IQCM: variants seen among roughly 807,000 people sequenced by gnomAD.
IQCM encodes IQ motif containing M, also known as IQ domain-containing protein M.
IQCM carries 45 observed loss-of-function variants against 57.6 expected under a neutral mutation model. The observed-to-expected ratio is 0.78, with a 90% CI of 0.62 to 1.00. IQCM has a LOEUF of 1.00. Among genes scored for constraint, IQCM ranks in the 50% least tolerant of loss-of-function variants. The pLI is 0.00. For synonymous variants in IQCM, 148 were observed against 158.9 expected (o/e 0.93, Z 0.51); for missense variants, 468 against 511.6 (o/e 0.91, Z 0.82).
chr4:149,435,257 G>C (rs1735243941), intron 12 of IQCM, among the ~76,000 whole-genome samples: 1 of 152,042 alleles, frequency 6.6e-6, no homozygotes, highest in Non-Finnish European at 1.5e-5. Context: ...GACAGAACTG[G>C]GTTCTAATTC....
chr4:149,406,752 T>G (rs1578953004), intron 13 of IQCM, among the ~76,000 whole-genome samples: 1 of 152,314 alleles, frequency 6.6e-6, no homozygotes, highest in African/African-American at 2.4e-5. Flanking sequence ...AGATGCCTAC[T>G]TTTCAAAAAT....
chr4:149,388,597 T>G (rs1345747886), intron 13 of IQCM, among the ~76,000 whole-genome samples: 1 of 92,902 alleles, frequency 1.1e-5, no homozygotes, highest in African/African-American at 4.4e-5. Flanking sequence ...TATACATATA[T>G]ACACATATAT....
chr4:149,484,817 CT>C lies in IQCM; in HGVS notation c.1229-51261del, dbSNP rs1326707452. ...TACCTTCAGACGATTTTTTCTTGCT[CT>C]TTAACATCCTTTTCTTTAGGATTAA... On this transcript the variant is annotated intron_variant, in intron 12 of 13. Coordinates refer to ENST00000636793, the MANE Select transcript of IQCM (RefSeq NM_001363507.2). 8.5e-5 allele frequency among the ~76,000 whole-genome samples: 13 copies of C among 152,084 alleles called. 1 individual carries two copies. Among genetic ancestry groups the C allele is most frequent in the Middle Eastern group, 6.8e-3 (2 of 294 alleles).
intron 13 of IQCM, among the ~76,000 whole-genome samples, chr4:149,375,119 GA>G (rs1730624277): frequency 6.6e-6 from 1 of 152,042 alleles, no homozygotes; most frequent in Non-Finnish European, 1.5e-5. Flanking sequence ...TATTGGTATT[GA>G]AGCACCTTGC....
At chr4:149,625,302 T>G (rs1160665745) in intron 7 of IQCM, among the ~76,000 whole-genome samples, 3 of 152,202 alleles carry the variant, frequency 2.0e-5, no homozygotes, top group Non-Finnish European at 2.9e-5. Flanking sequence ...TTCTTTTGTT[T>G]GTTTATAATA....
intron 12 of IQCM, among the ~76,000 whole-genome samples, chr4:149,508,525 T>C (rs1263459454): frequency 6.6e-6 from 1 of 152,164 alleles, no homozygotes; most frequent in Non-Finnish European, 1.5e-5. Context: ...GATTTCAGAC[T>C]TGCATGGGGC....
intron 5 of IQCM, among the ~76,000 whole-genome samples, chr4:149,693,526 T>C (rs1250091488): frequency 6.6e-6 from 1 of 152,204 alleles, no homozygotes; most frequent in Non-Finnish European, 1.5e-5. Flanking sequence ...TCATACTCTC[T>C]CAATTCAGAC....
At position 149,814,171 on chromosome 4, in the gene IQCM, A is replaced by G. The variant is rs572207088; in HGVS notation, c.-49+1140T>C. Among the ~76,000 whole-genome samples, 19 of 152,140 alleles carry G rather than the reference A, an allele frequency of 1.2e-4. No individual in the cohort carries two copies. In the South Asian group the frequency reaches 3.7e-3, roughly 30 times the overall value. ...TTCATTGCAATAAAAACTTTGGCAC[A>G]CTACCTAAACTTCTAAAATACAGAG... is the stretch of plus-strand genomic sequence containing the variant. On this transcript the variant is annotated intron_variant, in intron 2 of 13. Transcript: ENST00000636793.
chr4:149,770,287 T>C (rs1770451265), intron 2 of IQCM, among the ~76,000 whole-genome samples: 1 of 152,114 alleles, frequency 6.6e-6, no homozygotes, highest in Non-Finnish European at 1.5e-5. Flanking sequence ...CTGCTTATTT[T>C]TAAAATTGAC....
intron 8 of IQCM, among the ~76,000 whole-genome samples, chr4:149,609,286 T>C (rs1449317550): frequency 6.6e-6 from 1 of 151,862 alleles, no homozygotes; most frequent in African/African-American, 2.4e-5. Flanking sequence ...ACCTGATGGC[T>C]TCACTGTTGT....
intron 7 of IQCM, among the ~76,000 whole-genome samples, chr4:149,638,490 A>C (rs1036113188): frequency 6.6e-6 from 1 of 152,012 alleles, no homozygotes; most frequent in African/African-American, 2.4e-5. Flanking sequence ...AAAACCTGGA[A>C]ATAAGATAGA....
chr4:149,462,925 A>G (rs1281736994), intron 12 of IQCM, among the ~76,000 whole-genome samples: 1 of 152,184 alleles, frequency 6.6e-6, no homozygotes, highest in Non-Finnish European at 1.5e-5. Flanking sequence ...CTGGGAGAAA[A>G]TGGATTTGTA....
intron 7 of IQCM, among the ~76,000 whole-genome samples, chr4:149,656,694 C>A (rs1759665868): frequency 6.6e-6 from 1 of 152,130 alleles, no homozygotes; most frequent in Admixed American, 6.6e-5. Flanking sequence ...TGCTCTGATA[C>A]TGAGCAATCC....
chr4:149,718,464 T>G (rs537858083), intron 5 of IQCM, among the ~76,000 whole-genome samples: 34 of 152,334 alleles, frequency 2.2e-4, no homozygotes, highest in African/African-American at 7.5e-4. Flanking sequence ...GAGACAAAAG[T>G]TGAAACAATT....
chr4:149,412,840 G>A lies in IQCM; in HGVS notation c.1390+20556C>T, dbSNP rs561420435. On this transcript the variant is annotated intron_variant, in intron 13 of 13. Transcript: ENST00000636793. Reference sequence around the variant, plus strand: ...GAGTTTCCAGTCCAGAAGGAGAGCAGGGCTTTTCTGTAAGAGGGAACATGT... The same window carrying A: ...GAGTTTCCAGTCCAGAAGGAGAGCAAGGCTTTTCTGTAAGAGGGAACATGT... 5.3e-5 allele frequency among the ~76,000 whole-genome samples: 8 copies of A among 152,298 alleles called. No homozygotes were observed. In the South Asian group the frequency reaches 1.7e-3, roughly 32 times the overall value.
At chr4:149,408,563 C>T (rs1015039010) in intron 13 of IQCM, among the ~76,000 whole-genome samples, 1 of 152,076 alleles carries the variant, frequency 6.6e-6, no homozygotes, top group Non-Finnish European at 1.5e-5. Context: ...TTCTCTGGTA[C>T]TATAACAACA....
chr4:149,577,122 T>G (rs1196176961), intron 9 of IQCM, among the ~76,000 whole-genome samples: 1 of 152,044 alleles, frequency 6.6e-6, no homozygotes, highest in African/African-American at 2.4e-5. Context: ...TTATAGATTC[T>G]GGATATTAGA....
rs578106050 is a variant in IQCM at position 149,490,847 on chromosome 4, C to T, written c.1229-57290G>A. The stretch of plus-strand genomic sequence containing the variant: ...TCCTTGGTAACGCTAATCACAATCG[C>T]CCGTGACCTGGATGATTTCTCCACA... On this transcript the variant is annotated intron_variant, in intron 12 of 13. Transcript: ENST00000636793. Among the ~76,000 whole-genome samples, 13 of 152,232 alleles carry T rather than the reference C, an allele frequency of 8.5e-5. No homozygotes were observed. In the South Asian group the frequency reaches 2.5e-3, roughly 29 times the overall value.
At chr4:149,774,038 T>C (rs972245834) in intron 2 of IQCM, among the ~76,000 whole-genome samples, 3 of 152,206 alleles carry the variant, frequency 2.0e-5, no homozygotes, top group African/African-American at 7.2e-5. Flanking sequence ...CATGGCTGAT[T>C]CTTTGTGCTT....
Sources: allele counts gnomAD v4.1 joint callset (sites outside exome capture counted in the v4.1 genomes callset), GRCh38; gene constraint gnomAD v4.1.1; transcripts MANE v1.5; gene names NCBI Gene and HGNC (gene_info 2026-07-23, HGNC 2026-07-21).